The following MED12L variants were observed in gnomAD, a reference collection of about 807,000 sequenced individuals.
MED12L encodes mediator complex subunit 12L.
Under a neutral mutation model 281.3 loss-of-function variants are expected in MED12L, and 60 were observed. The observed-to-expected ratio is 0.21, with a 90% CI of 0.17 to 0.26. The LOEUF (loss-of-function observed/expected upper bound fraction) is 0.26, where lower values mean the gene tolerates loss of function less well. Ranked by LOEUF, MED12L falls within the 10% of genes least tolerant of loss-of-function variation. The pLI is 1.00. For missense variants in MED12L, 2,146 were observed against 2,680.9 expected (o/e 0.80, Z 4.41); for synonymous variants, 974 against 987.2 (o/e 0.99, Z 0.25).
At chr3:151,124,643 T>C (rs761176365) in intron 4 of MED12L, among the ~76,000 whole-genome samples, 6 of 152,242 alleles carry the variant, frequency 3.9e-5, no homozygotes, top group Admixed American at 1.3e-4. Flanking sequence ...GCTAAGATCC[T>C]GAGTCATCTT....
chr3:151,145,239 G>A (rs532864257), intron 5 of MED12L, among the ~76,000 whole-genome samples: 9 of 152,274 alleles, frequency 5.9e-5, no homozygotes, highest in African/African-American at 1.9e-4. Context: ...TCTTAAGCTA[G>A]TTAATGCATG....
intron 16 of MED12L, among the ~76,000 whole-genome samples, chr3:151,214,873 G>A (rs1023473804): frequency 5.9e-5 from 9 of 152,090 alleles, no homozygotes; most frequent in African/African-American, 2.2e-4. Flanking sequence ...CATGTGTAAT[G>A]TATTTTTTTA....
At chr3:151,292,529 C>T (rs1169580656) in intron 16 of MED12L, among the ~76,000 whole-genome samples, 2 of 150,894 alleles carry the variant, frequency 1.3e-5, no homozygotes, top group Non-Finnish European at 3.0e-5. Context: ...CCTTGGCTTC[C>T]CTAAGTGCTG....
intron 16 of MED12L, among the ~76,000 whole-genome samples, chr3:151,221,156 G>A (rs1185491398): frequency 6.6e-6 from 1 of 152,196 alleles, no homozygotes; most frequent in Non-Finnish European, 1.5e-5. Context: ...TTGAACTTGA[G>A]GGAGATGATT....
chr3:151,343,055 TC>T (rs1752072022), intron 16 of MED12L, among the ~76,000 whole-genome samples: 1 of 152,098 alleles, frequency 6.6e-6, no homozygotes, highest in South Asian at 2.1e-4. Flanking sequence ...TGAGAATCTT[TC>T]CCTATCACAC....
At position 151,435,878 on chromosome 3, in the gene MED12L, T is replaced by G. The variant is rs570303421; in HGVS notation, c.*3074T>G. ...AGCATTTTCCCATCCCATAAAGAAT[T>G]AATGAAATGAAATGCTTATAGAGCA... On this transcript the variant is annotated 3_prime_UTR_variant, in exon 45 of 45. Transcript: ENST00000687756. 1.3e-5 allele frequency: 2 copies of G among 152,248 alleles called. No individual in the cohort carries two copies. Among genetic ancestry groups the G allele is most frequent in the South Asian group, 2.1e-4 (1 of 4,816 alleles). The allele number at this position is 152,248 out of a possible 1,614,324, so 9.4% of individuals were successfully genotyped here.
At chr3:151,197,474 C>G (rs1024020901) in intron 16 of MED12L, among the ~76,000 whole-genome samples, 2 of 152,106 alleles carry the variant, frequency 1.3e-5, no homozygotes, top group African/African-American at 4.8e-5. Flanking sequence ...TAAACTGGGG[C>G]CCTACGTGGA....
chr3:151,262,585 T>A (rs1326491320), intron 16 of MED12L, among the ~76,000 whole-genome samples: 2 of 152,188 alleles, frequency 1.3e-5, no homozygotes, highest in Non-Finnish European at 2.9e-5. Context: ...AGTTTGTATA[T>A]GTGTTTTTTA....
chr3:151,392,807 G>A (rs182218758), intron 38 of MED12L, among the ~76,000 whole-genome samples: 25 of 152,222 alleles, frequency 1.6e-4, no homozygotes, highest in African/African-American at 5.3e-4. Context: ...TGTACAAAGG[G>A]CTTCAGCCAT....
chr3:151,364,343 C>G (rs1231097579), intron 21 of MED12L, among the ~76,000 whole-genome samples: 2 of 152,146 alleles, frequency 1.3e-5, no homozygotes, highest in Non-Finnish European at 2.9e-5. Flanking sequence ...TTAAAAATCT[C>G]TTAATGCCTC....
At chr3:151,106,265 CTTTCCCTTTCCCTTTCCTTTTCCT>C (rs749633062) in intron 2 of MED12L, among the ~76,000 whole-genome samples, 6,215 of 129,466 alleles carry the variant, frequency 0.048, 298 homozygotes, top group East Asian at 0.18. Context: ...TTCCTTTTCC[CTTTCCCTTTCCCTTTCCTTTTCCT>C]TTTCCTTTTC....
Position 151,243,012 on chromosome 3 carries a change from AT to A in MED12L, c.2250+49347del, listed in dbSNP as rs1734534792. Among the ~76,000 whole-genome samples, 3 of 151,968 alleles carry A rather than the reference AT, an allele frequency of 2.0e-5. No individual in the cohort carries two copies. The East Asian group carries it at 5.8e-4, about 29-fold the overall frequency. On this transcript the variant is annotated intron_variant, in intron 16 of 44. Transcript: ENST00000687756. ...CATGCGATCAACTGGAAGAAAGGGTATCAGCGATGGAAGATGAAATGAATGA... is the reference window on the plus strand; with the variant it reads ...CATGCGATCAACTGGAAGAAAGGGTACAGCGATGGAAGATGAAATGAATGA...
chr3:151,122,978 T>G lies in MED12L; in HGVS notation c.396+4T>G. On this transcript the variant is annotated splice_donor_region_variant and intron_variant, in intron 4 of 44. Transcript: ENST00000687756. ...ACTTTCTATTTTGGCAAAAAAGGTA[T>G]CAAATATTTCTTACATTGTTTTAGT... 6.3e-7 allele frequency: 1 copy of G among 1,593,764 alleles called. No individual in the cohort carries two copies.
chr3:151,184,244 A>T (rs1204453958), intron 11 of MED12L, among the ~76,000 whole-genome samples: 1 of 152,234 alleles, frequency 6.6e-6, no homozygotes, highest in East Asian at 1.9e-4. Flanking sequence ...TAGCATCTAC[A>T]GCTGATCAGG....
At chr3:151,178,958 T>A (rs772727674) in intron 11 of MED12L, among the ~76,000 whole-genome samples, 2 of 152,228 alleles carry the variant, frequency 1.3e-5, no homozygotes, top group Non-Finnish European at 2.9e-5. Context: ...GACTTTCAAT[T>A]TTTTATTTTT....
Position 151,244,324 on chromosome 3 carries a change from G to C in MED12L, c.2250+50658G>C, listed in dbSNP as rs914210804. Among the ~76,000 whole-genome samples the C allele has an allele frequency of 8.1e-5, 10 of 123,598 alleles. 1 individual carries two copies. Among genetic ancestry groups the C allele is most frequent in the African/African-American group, 1.1e-4 (4 of 36,696 alleles). 81.1% of individuals were successfully genotyped at this position (123,598 alleles called of 152,430 possible). On this transcript the variant is annotated intron_variant, in intron 16 of 44. Transcript: ENST00000687756. ...ATCAACAGAATATACATTTTTTTCA[G>C]CACCACACCACACCTATTCCAAAAT...
chr3:151,348,471 T>G (rs1041104323), intron 16 of MED12L, among the ~76,000 whole-genome samples: 1 of 152,112 alleles, frequency 6.6e-6, no homozygotes, highest in Admixed American at 6.6e-5. Context: ...TCACTGCTTA[T>G]GTCATTTGTA....
At chr3:151,143,810 G>A (rs1717380636) in intron 5 of MED12L, among the ~76,000 whole-genome samples, 1 of 152,106 alleles carries the variant, frequency 6.6e-6, no homozygotes, top group Non-Finnish European at 1.5e-5. Context: ...TCCTGTCCTG[G>A]GGCAGTAAAA....
intron 38 of MED12L, 145 bp downstream of exon 38, chr3:151,390,280 A>G (rs921057069): frequency 1.5e-5 from 12 of 783,652 alleles, no homozygotes; most frequent in Non-Finnish European, 2.4e-5. Context: ...TCACACAGAA[A>G]TGTTTTTTGT....
Sources: gnomAD v4.1 joint callset for allele counts (sites outside exome capture counted in the v4.1 genomes callset) on GRCh38, gnomAD v4.1.1 for gene constraint, MANE v1.5 for transcripts, NCBI Gene and HGNC (gene_info 2026-07-23, HGNC 2026-07-21) for gene names.